The following ZNF180 variants were observed in gnomAD, a reference collection of about 807,000 sequenced individuals.
ZNF180 encodes zinc finger protein 180, also known as zinc finger protein 180 (HHZ168).
A neutral mutation model predicts 11.8 loss-of-function variants in ZNF180; 11 were observed. That is an observed-to-expected ratio of 0.93 (90% CI 0.59 to 1.55). The LOEUF (loss-of-function observed/expected upper bound fraction) is 1.55, where lower values mean the gene tolerates loss of function less well. Among genes scored for constraint, ZNF180 ranks in the 40% most tolerant of loss-of-function variants. The pLI is 0.00. For synonymous variants in ZNF180, 287 were observed against 257.7 expected (o/e 1.11, Z -1.09); for missense variants, 773 against 781.7 (o/e 0.99, Z 0.13).
At position 44,477,714 on chromosome 19, in the gene ZNF180, T is replaced by G; in HGVS notation, c.686A>C (p.Gln229Pro). The G allele has an allele frequency of 6.2e-7, 1 of 1,614,150 alleles. No homozygotes were observed. Among genetic ancestry groups the G allele is most frequent in the East Asian group, 2.2e-5 (1 of 44,868 alleles). Residue 229 changes from glutamine (Q) to proline (P), a missense_variant, in exon 5 of 5, where the codon CAG (glutamine) becomes CCG (proline). Transcript: ENST00000592529. Reference protein sequence around the residue: ...YENNECGKPPQSIHLIQFTRT... With the variant: ...YENNECGKPPPSIHLIQFTRT... ...TGTAAACTGAATAAGGTGAATGCTC[T>G]GAGGGGGTTTTCCACATTCATTATT... is the stretch of plus-strand genomic sequence containing the variant.
chr19:44,476,243 C>T lies in ZNF180; in HGVS notation c.*159G>A. On this transcript the variant is annotated 3_prime_UTR_variant, in exon 5 of 5. Coordinates refer to ENST00000592529, the MANE Select transcript of ZNF180 (RefSeq NM_001278509.3). Reference sequence around the variant, plus strand: ...AGTCGTTCATAGACTTTCCCCCTTTCTTTTCCAGAACAAATTTGAGACACA... The same window carrying T: ...AGTCGTTCATAGACTTTCCCCCTTTTTTTTCCAGAACAAATTTGAGACACA... The T allele has an allele frequency of 1.4e-6, 1 of 694,838 alleles. No individual in the cohort carries two copies. The highest frequency in any genetic ancestry group is 2.2e-6 in the Non-Finnish European group (1 of 455,840). The allele number at this position is 694,838 out of a possible 1,614,324, so 43.0% of individuals were successfully genotyped here.
intron 1 of ZNF180, among the ~76,000 whole-genome samples, chr19:44,499,194 G>A (rs1032469935): frequency 5.9e-5 from 9 of 152,156 alleles, no homozygotes; most frequent in Admixed American, 3.9e-4. Flanking sequence ...GGGGGTTCTC[G>A]AGCCTACGAT....
At chr19:44,483,333 T>A (rs919681663) in intron 3 of ZNF180, among the ~76,000 whole-genome samples, 1 of 152,228 alleles carries the variant, frequency 6.6e-6, no homozygotes, top group Non-Finnish European at 1.5e-5. Flanking sequence ...ACCTTTGGAG[T>A]GTCCACTCCA....
At chr19:44,492,238 T>C (rs1365044676) in intron 2 of ZNF180, among the ~76,000 whole-genome samples, 1 of 152,224 alleles carries the variant, frequency 6.6e-6, no homozygotes, top group Non-Finnish European at 1.5e-5. Context: ...TTTTTATCTT[T>C]GTATTCTCCT....
At chr19:44,486,336 T>C (rs1970228265) in intron 2 of ZNF180, among the ~76,000 whole-genome samples, 1 of 152,250 alleles carries the variant, frequency 6.6e-6, no homozygotes, top group African/African-American at 2.4e-5. Flanking sequence ...ACTGTCTCTC[T>C]TTTAATGCTG....
rs750382558 is a variant in ZNF180, at chr19:44,495,396, G to A, written c.51+1888C>T. Among the ~76,000 whole-genome samples, 6 of 151,970 alleles carry A rather than the reference G, an allele frequency of 3.9e-5. No individual in the cohort carries two copies. The highest frequency in any genetic ancestry group is 7.2e-5 in the African/African-American group (3 of 41,426). On this transcript the variant is annotated intron_variant, in intron 2 of 4. Coordinates refer to ENST00000592529, the MANE Select transcript of ZNF180 (RefSeq NM_001278509.3). The surrounding 1 kb of genome is among the most constrained non-coding windows in gnomAD (Gnocchi z 4.5). ...TGCCACTTGGACTTGGACAGCCCACGTCAGGCCACCCCACTGTGTCAGTAC... is the reference window on the plus strand; with the variant it reads ...TGCCACTTGGACTTGGACAGCCCACATCAGGCCACCCCACTGTGTCAGTAC...
At chr19:44,490,886 G>C (rs182754755) in intron 2 of ZNF180, among the ~76,000 whole-genome samples, 1 of 152,298 alleles carries the variant, frequency 6.6e-6, no homozygotes, top group East Asian at 1.9e-4. Context: ...CTTTCCTCAA[G>C]GTAGACTCTG....
intron 2 of ZNF180, among the ~76,000 whole-genome samples, chr19:44,494,034 T>C (rs944119311): frequency 6.6e-6 from 1 of 152,200 alleles, no homozygotes; most frequent in Non-Finnish European, 1.5e-5. Flanking sequence ...ACATTGGCTA[T>C]TTTAAGCTGC....
chr19:44,486,519 T>C (rs1291219437), intron 2 of ZNF180, among the ~76,000 whole-genome samples: 1 of 152,222 alleles, frequency 6.6e-6, no homozygotes, highest in African/African-American at 2.4e-5. Context: ...TCAAGGATAC[T>C]TTGCTCCTCC....
intron 3 of ZNF180, among the ~76,000 whole-genome samples, chr19:44,480,137 C>CACT: frequency 6.6e-6 from 1 of 152,092 alleles, no homozygotes; most frequent in East Asian, 1.9e-4. Flanking sequence ...GACAAGACCT[C>CACT]ACTCTGTTGC....
chr19:44,493,402 C>T lies in ZNF180; in HGVS notation c.51+3882G>A, dbSNP rs951444969. Among the ~76,000 whole-genome samples the T allele has an allele frequency of 5.3e-5, 8 of 152,348 alleles. 1 individual carries two copies. The highest frequency in any genetic ancestry group is 4.1e-4 in the South Asian group (2 of 4,830). On this transcript the variant is annotated intron_variant, in intron 2 of 4. Coordinates refer to ENST00000592529, the MANE Select transcript of ZNF180 (RefSeq NM_001278509.3). ...TCTTCCTAGATCAGCTCACTGGACT[C>T]GTGGCCTTCGTTCAAAGCAAAGACT...
chr19:44,487,789 T>C (rs1021291875), intron 2 of ZNF180, among the ~76,000 whole-genome samples: 1 of 152,158 alleles, frequency 6.6e-6, no homozygotes, highest in Non-Finnish European at 1.5e-5. Context: ...TGCAGTGGCA[T>C]GATCTCAACT....
Position 44,489,087 on chromosome 19 carries a change from C to T in ZNF180, c.52-4652G>A, listed in dbSNP as rs866299763. ...TCAGCCCCCGCCCGGCCAGCCGCCC[C>T]GTCCGGGAGGGAGGTGGGGGGGCCA... On this transcript the variant is annotated intron_variant, in intron 2 of 4. Coordinates refer to ENST00000592529, the MANE Select transcript of ZNF180 (RefSeq NM_001278509.3). Among the ~76,000 whole-genome samples the T allele has an allele frequency of 9.2e-3, 1,274 of 139,044 alleles. 10 individuals carry two copies. Among genetic ancestry groups the T allele is most frequent in the African/African-American group, 0.031 (1,217 of 38,936 alleles). The allele number at this position is 139,044 out of a possible 152,430, so 91.2% of individuals were successfully genotyped here.
Position 44,476,542 on chromosome 19 carries a change from G to C in ZNF180, c.1858C>G (p.Arg620Gly). 1 of 1,613,904 alleles carries C rather than the reference G, an allele frequency of 6.2e-7. No individual in the cohort carries two copies. Among genetic ancestry groups the C allele is most frequent in the Non-Finnish European group, 8.5e-7 (1 of 1,179,952 alleles). ...QCGKTFSLSA[R>G]LIVHQRTHTG... ...TGAGTTCTTTGATGCACAATAAGTC[G>C]AGCACTCAAGCTAAATGTTTTTCCA... is the stretch of plus-strand genomic sequence containing the variant. The change falls in exon 5 of 5, where the codon CGA becomes GGA. Residue 620 changes from arginine (R) to glycine (G), a missense_variant. Transcript: ENST00000592529.
rs1008623572 is a variant in ZNF180 at position 44,500,482 on chromosome 19, C to A, written c.-251G>T. 90 of 549,382 alleles carry A rather than the reference C, an allele frequency of 1.6e-4. No homozygotes were observed. The highest frequency in any genetic ancestry group is 9.0e-4 in the South Asian group (37 of 40,994). 34.0% of individuals were successfully genotyped at this position (549,382 alleles called of 1,614,324 possible). ...AAGTCTGAAGGGCCGAGCTGCTCGGCGACAGCAAGCGTCCGCGCGCGGGAC... is the reference window on the plus strand; with the variant it reads ...AAGTCTGAAGGGCCGAGCTGCTCGGAGACAGCAAGCGTCCGCGCGCGGGAC... On this transcript the variant is annotated 5_prime_UTR_variant, in exon 1 of 5. Transcript: ENST00000592529.
chr19:44,483,773 G>A (rs1970143846), intron 3 of ZNF180, among the ~76,000 whole-genome samples: 1 of 152,050 alleles, frequency 6.6e-6, no homozygotes, highest in Non-Finnish European at 1.5e-5. Flanking sequence ...CAAGGACTGT[G>A]CTTTATAGTT....
Position 44,476,386 on chromosome 19 carries a change from C to T in ZNF180, c.*16G>A, listed in dbSNP as rs1466834100. On this transcript the variant is annotated 3_prime_UTR_variant, in exon 5 of 5. Transcript: ENST00000592529. ...AGAATGAAATAAAAAGGAAGAAATC[C>T]CAGCTGATTTACAAACTAGTTACAT... 2.6e-6 allele frequency: 4 copies of T among 1,529,082 alleles called. No homozygotes were observed. The African/African-American group carries it at 4.2e-5, about 16-fold the overall frequency. The allele number at this position is 1,529,082 out of a possible 1,614,324, so 94.7% of individuals were successfully genotyped here.
At position 44,476,434 on chromosome 19, in the gene ZNF180, G is replaced by A; in HGVS notation, c.1966C>T (p.His656Tyr). Residue 656 changes from histidine to tyrosine, a missense_variant, in exon 5 of 5, where the codon CAT becomes TAT. His to Tyr is a moderately conservative substitution (Grantham distance 83). Coordinates refer to ENST00000592529, the MANE Select transcript of ZNF180 (RefSeq NM_001278509.3). ...CATTCATAGAGTTTCTCTTCAGTAT[G>A]AGTTGCCTGATGCCTAATAAGTTTA... is the stretch of plus-strand genomic sequence containing the variant. The part of the protein sequence containing the change: ...SYKLIRHQAT[H>Y]TEEKLYECN The A allele has an allele frequency of 6.2e-7, 1 of 1,606,142 alleles. No individual in the cohort carries two copies. The highest frequency in any genetic ancestry group is 8.5e-7 in the Non-Finnish European group (1 of 1,175,286).
Position 44,478,120 on chromosome 19 carries a change from CTT to C in ZNF180, c.278_279del (p.Lys93ArgfsTer10). On this transcript the variant is annotated frameshift_variant, in exon 5 of 5. Transcript: ENST00000592529. LOFTEE classifies it low-confidence loss of function (END_TRUNC). ...AAAATCCTCTGCTTTGAAGTTGAAT[CTT>C]TTTTTCCAACTGCAGTTGCCAAGTC... ...SWDLATAVGKKDSTSKQRIFD... is the reference protein window; with the variant it reads ...SWDLATAVGKXDSTSKQRIFD... The C allele has an allele frequency of 6.3e-7, 1 of 1,575,956 alleles. No homozygotes were observed. Among genetic ancestry groups the C allele is most frequent in the Non-Finnish European group, 8.6e-7 (1 of 1,159,516 alleles).
Sources: gnomAD v4.1 joint callset for allele counts (sites outside exome capture counted in the v4.1 genomes callset) on GRCh38, gnomAD v4.1.1 for gene constraint, Gnocchi (gnomAD v3.1) non-coding constraint, MANE v1.5 for transcripts, NCBI Gene and HGNC (gene_info 2026-07-23, HGNC 2026-07-21) for gene names.